NFIB: variants seen among roughly 807,000 people sequenced by gnomAD.
NFIB encodes nuclear factor 1 B-type.
Under a neutral mutation model 61.5 loss-of-function variants are expected in NFIB, and 11 were observed. That is an observed-to-expected ratio of 0.18 (90% confidence interval 0.11 to 0.30). The LOEUF (loss-of-function observed/expected upper bound fraction) is 0.30. Among genes scored for constraint, NFIB ranks in the 10% least tolerant of loss-of-function variants. The pLI, the probability that NFIB is intolerant of heterozygous loss-of-function variation, is 1.00. For synonymous variants in NFIB, 260 were observed against 216.5 expected, an observed-to-expected ratio of 1.20 and a Z score of -1.76; for missense variants, 471 against 608.9, an observed-to-expected ratio of 0.77 and a Z score of 2.38.
intron 8 of NFIB, among the ~76,000 whole-genome samples, chr9:14,119,559 A>G (rs899081435): frequency 6.6e-6 from 1 of 152,186 alleles, no homozygotes; most frequent in Non-Finnish European, 1.5e-5. Context: ...CTAGCATTTC[A>G]GGAATGTTCC....
At chr9:14,183,548 C>T (rs753977157) in intron 2 of NFIB, among the ~76,000 whole-genome samples, 13 of 152,072 alleles carry the variant, frequency 8.5e-5, no homozygotes, top group African/African-American at 2.9e-4. Flanking sequence ...GGACTACAGG[C>T]GCACACCACC....
At chr9:14,197,558 T>C (rs1273301401) in intron 2 of NFIB, among the ~76,000 whole-genome samples, 1 of 152,224 alleles carries the variant, frequency 6.6e-6, no homozygotes, top group Non-Finnish European at 1.5e-5. Flanking sequence ...CATTTCCTTA[T>C]TACTATTTAT....
chr9:14,426,637 G>T, the NFIB span, among the ~76,000 whole-genome samples: 1 of 152,172 alleles, frequency 6.6e-6, no homozygotes, highest in East Asian at 1.9e-4. Context: ...AGCTCATCAA[G>T]CCTACCAAAC....
At chr9:14,222,471 C>G (rs769019627) in intron 2 of NFIB, among the ~76,000 whole-genome samples, 22 of 152,168 alleles carry the variant, frequency 1.4e-4, no homozygotes, top group Admixed American at 3.9e-4. Context: ...AAGCTAATTT[C>G]CAGGTAAATC....
chr9:14,446,945 C>T, the NFIB span, among the ~76,000 whole-genome samples: 2 of 152,082 alleles, frequency 1.3e-5, no homozygotes, highest in Admixed American at 6.5e-5. Flanking sequence ...TCTGAAATAA[C>T]ATTTCCCCTG....
chr9:14,361,964 AAC>A, intron 1 of NFIB: 1 of 152,212 alleles, frequency 6.6e-6, no homozygotes, highest in East Asian at 1.9e-4. Context: ...TTAAAGCTGA[AAC>A]AAAACTCAAC....
At chr9:14,132,950 G>C (rs10961386) in intron 6 of NFIB, among the ~76,000 whole-genome samples, 6,970 of 152,030 alleles carry the variant, frequency 0.046, 440 homozygotes, top group East Asian at 0.23. Flanking sequence ...AATGAAAACA[G>C]TTGCAAAACT....
the NFIB span, among the ~76,000 whole-genome samples, chr9:14,404,571 C>T: frequency 1.3e-5 from 2 of 152,184 alleles, no homozygotes; most frequent in Non-Finnish European, 2.9e-5. Flanking sequence ...TTTGGAGACT[C>T]TCTCACCTTA....
Position 14,220,842 on chromosome 9 carries a change from T to TACACACACACACACACACAC in NFIB, c.563-41082_563-41063dup, listed in dbSNP as rs138623129. 5.7e-4 allele frequency among the ~76,000 whole-genome samples: 70 copies of TACACACACACACACACACAC among 123,092 alleles called. 2 individuals carry two copies. Among genetic ancestry groups the TACACACACACACACACACAC allele is most frequent in the Middle Eastern group, 4.4e-3 (1 of 226 alleles). The allele number at this position is 123,092 out of a possible 152,430, so 80.8% of individuals were successfully genotyped here. A position where few individuals can be genotyped will look rare whatever the true frequency, so the allele number is the denominator to read the frequency against. On this transcript the variant is annotated intron_variant, in intron 2 of 10. Coordinates refer to ENST00000380953, the MANE Select transcript of NFIB (RefSeq NM_001190737.2). ...CTATATCCAGTGAAATCAATCTCCCTACACACACACACACACACACACACA... is the reference window on the plus strand; with the variant it reads ...CTATATCCAGTGAAATCAATCTCCCTACACACACACACACACACACACACACACACACACACACACACACA...
chr9:14,242,362 T>G (rs1034736356), intron 2 of NFIB, among the ~76,000 whole-genome samples: 15 of 152,194 alleles, frequency 9.9e-5, no homozygotes, highest in African/African-American at 3.4e-4. Flanking sequence ...AAGGATTCCT[T>G]CAGACTTACA....
At chr9:14,456,585 G>T in the NFIB span, among the ~76,000 whole-genome samples, 1 of 152,120 alleles carries the variant, frequency 6.6e-6, no homozygotes, top group African/African-American at 2.4e-5. Flanking sequence ...CATATGAAAG[G>T]ATGCTCAGCC....
intron 2 of NFIB, among the ~76,000 whole-genome samples, chr9:14,289,220 C>T (rs1488616172): frequency 2.1e-5 from 1 of 46,560 alleles, no homozygotes; most frequent in African/African-American, 5.2e-5. Flanking sequence ...ATTTGGTATA[C>T]CAAATACACA....
chr9:14,260,388 G>C (rs1483372748), intron 2 of NFIB, among the ~76,000 whole-genome samples: 1 of 152,148 alleles, frequency 6.6e-6, no homozygotes, highest in Non-Finnish European at 1.5e-5. Flanking sequence ...AGACAAAATT[G>C]CTTTTCAGTC....
chr9:14,432,443 T>C, the NFIB span, among the ~76,000 whole-genome samples: 1 of 152,260 alleles, frequency 6.6e-6, no homozygotes, highest in East Asian at 1.9e-4. Flanking sequence ...GTTGTTTCTT[T>C]AGCTTGTGAC....
chr9:14,233,957 T>C (rs2053474284), intron 2 of NFIB, among the ~76,000 whole-genome samples: 1 of 152,226 alleles, frequency 6.6e-6, no homozygotes, highest in Non-Finnish European at 1.5e-5. Flanking sequence ...AACATCTTAC[T>C]TATAGATGCT....
intron 1 of NFIB, among the ~76,000 whole-genome samples, chr9:14,327,428 C>T (rs947909441): frequency 3.9e-5 from 6 of 152,234 alleles, no homozygotes; most frequent in South Asian, 2.1e-4. Context: ...AGTAAGAAAT[C>T]GTAGGTGCAG....
chr9:14,214,435 T>A (rs1420629686), intron 2 of NFIB, among the ~76,000 whole-genome samples: 2 of 152,224 alleles, frequency 1.3e-5, no homozygotes, highest in Non-Finnish European at 2.9e-5. Context: ...GAAGGCAAAT[T>A]ATGGAACTGG....
intron 6 of NFIB, among the ~76,000 whole-genome samples, chr9:14,134,913 A>AAAAAAAAAAAT (rs1011872669): frequency 1.5e-5 from 2 of 133,380 alleles, no homozygotes; most frequent in South Asian, 2.7e-4. Context: ...AAAAAAAAAA[A>AAAAAAAAAAAT]AAAAAAAGGA....
At chr9:14,245,610 C>A (rs149597220) in intron 2 of NFIB, among the ~76,000 whole-genome samples, 60 of 152,192 alleles carry the variant, frequency 3.9e-4, no homozygotes, top group African/African-American at 1.3e-3. Flanking sequence ...CAGTGGCTCA[C>A]GACTGTAATC....
Sources: allele counts gnomAD v4.1 joint callset (sites outside exome capture counted in the v4.1 genomes callset), GRCh38; gene constraint gnomAD v4.1.1; transcripts MANE v1.5; gene names NCBI Gene and HGNC (gene_info 2026-07-23, HGNC 2026-07-21).